EPS15L1: variants seen among roughly 807,000 people sequenced by gnomAD.
EPS15L1 encodes the protein epidermal growth factor receptor substrate 15-like 1.
Under a neutral mutation model 117.1 loss-of-function variants are expected in EPS15L1, and 43 were observed. The observed-to-expected ratio is 0.37, with a 90% CI of 0.29 to 0.47. The LOEUF is 0.47. EPS15L1 is among the 20% of genes least tolerant of loss of function. The probability of loss-of-function intolerance (pLI) is 0.99; values close to 1 mark genes in which losing one functional copy is unlikely to be tolerated. For synonymous variants in EPS15L1, 459 were observed against 470.5 expected (o/e 0.98, Z 0.32); for missense variants, 981 against 1,164.0 (o/e 0.84, Z 2.29).
At position 16,421,554 on chromosome 19, in the gene EPS15L1, G is replaced by A. The variant is rs556901484; in HGVS notation, c.793-78C>T. The stretch of plus-strand genomic sequence containing the variant: ...GACACATGCTTTTTGATGATGGGGC[G>A]ATTAAAGCACTTCCATGCACATTTG... On this transcript the variant is annotated intron_variant, in intron 9 of 23. Coordinates refer to ENST00000455140, the MANE Select transcript of EPS15L1 (RefSeq NM_001258374.3). The A allele has an allele frequency of 1.4e-3, 2,059 of 1,435,852 alleles. 2 individuals carry two copies. The highest frequency in any genetic ancestry group is 1.7e-3 in the Non-Finnish European group (1,725 of 1,037,508). 88.9% of individuals were successfully genotyped at this position (1,435,852 alleles called of 1,614,324 possible). A position where few individuals can be genotyped will look rare whatever the true frequency, so the allele number is the denominator to read the frequency against.
At chr19:16,374,788 G>A (rs922307907) in intron 22 of EPS15L1, among the ~76,000 whole-genome samples, 1 of 152,228 alleles carries the variant, frequency 6.6e-6, no homozygotes, top group Admixed American at 6.5e-5. Context: ...ATGAGAATAC[G>A]TGCACATGTG....
At chr19:16,452,741 G>A (rs911598436) in intron 1 of EPS15L1, among the ~76,000 whole-genome samples, 1 of 151,898 alleles carries the variant, frequency 6.6e-6, no homozygotes, top group Non-Finnish European at 1.5e-5. Context: ...TTGTAAATGG[G>A]CAGTGGGTAC....
chr19:16,364,360 C>T (rs2092103342), intron 22 of EPS15L1, among the ~76,000 whole-genome samples: 2 of 152,210 alleles, frequency 1.3e-5, no homozygotes. Flanking sequence ...CTCCTTCCGA[C>T]AGCGCCTGCC....
chr19:16,379,681 G>C (rs2092338479), intron 21 of EPS15L1, among the ~76,000 whole-genome samples: 1 of 151,986 alleles, frequency 6.6e-6, no homozygotes, highest in African/African-American at 2.4e-5. Context: ...GCCATCTAAG[G>C]CTCCAGCGTT....
Position 16,425,277 on chromosome 19 carries a change from C to T in EPS15L1, c.598G>A (p.Val200Met), listed in dbSNP as rs750262553. The change falls in exon 9 of 24, where the codon GTG becomes ATG. Residue 200 changes from valine (V) to methionine (M), a missense_variant. Val to Met is a conservative substitution (Grantham distance 21). Around this residue, in one of 5 missense-constraint regions of EPS15L1, gnomAD observed 819 missense variants for 949.0 expected, o/e 0.86. Coordinates refer to ENST00000455140, the MANE Select transcript of EPS15L1 (RefSeq NM_001258374.3). ...LVYRALEKEP[V>M]PSALPPSLIP... ...AGGGACGGGGGCAGGGCGGAGGGCA[C>T]GGGCTCCTTCTCCAGGGCTCGGTAC... is the stretch of plus-strand genomic sequence containing the variant. 4 of 1,606,906 alleles carry T rather than the reference C, an allele frequency of 2.5e-6. No individual in the cohort carries two copies. Among genetic ancestry groups the T allele is most frequent in the Non-Finnish European group, 3.4e-6 (4 of 1,176,246 alleles).
chr19:16,396,743 C>G (rs535688785), intron 16 of EPS15L1, among the ~76,000 whole-genome samples: 1 of 152,188 alleles, frequency 6.6e-6, no homozygotes, highest in African/African-American at 2.4e-5. Flanking sequence ...AAAATTGTAA[C>G]GAGCCACACA....
At chr19:16,373,426 GTTTGT>G (rs930797403) in intron 22 of EPS15L1, among the ~76,000 whole-genome samples, 10 of 149,714 alleles carry the variant, frequency 6.7e-5, no homozygotes, top group African/African-American at 2.5e-4. Context: ...TGGTTTGTTT[GTTTGT>G]TTTAAGAAAA....
intron 1 of EPS15L1, among the ~76,000 whole-genome samples, chr19:16,463,648 A>T (rs1336916965): frequency 6.6e-6 from 1 of 152,198 alleles, no homozygotes; most frequent in Admixed American, 6.5e-5. Context: ...GCAAACAAGG[A>T]TGAATAAAAC....
intron 7 of EPS15L1, among the ~76,000 whole-genome samples, chr19:16,432,591 T>C (rs957770752): frequency 2.2e-5 from 2 of 91,710 alleles, no homozygotes; most frequent in South Asian, 3.3e-4. Context: ...AATAAATAAA[T>C]ACAAATACAA....
Position 16,386,178 on chromosome 19 carries a change from T to C in EPS15L1, c.2157A>G (p.Lys719=), listed in dbSNP as rs1237038450. The part of the protein sequence containing the change: ...DPFSSSSVSS[K]GSDPFGTLDP... ...ATAAGTCATGGGTCTCACCTGATCC[T>C]TTTGAGGAGACACTGGAGGATGAAA... Residue 719 remains lysine (K), a synonymous_variant, in exon 20 of 24, where the codon AAA becomes AAG. Coordinates refer to ENST00000455140, the MANE Select transcript of EPS15L1 (RefSeq NM_001258374.3). The C allele has an allele frequency of 6.2e-7, 1 of 1,611,076 alleles. No individual in the cohort carries two copies. Among genetic ancestry groups the C allele is most frequent in the Admixed American group, 1.7e-5 (1 of 60,008 alleles).
At chr19:16,367,497 TAAAAAAAAAAAAAAAAAA>T (rs71178691) in intron 22 of EPS15L1, among the ~76,000 whole-genome samples, 1 of 65,304 alleles carries the variant, frequency 1.5e-5, no homozygotes, top group Non-Finnish European at 2.7e-5. Flanking sequence ...TATGTGCTGT[TAAAAAAAAAAAAAAAAAA>T]AAAAAAAAAA....
chr19:16,448,299 G>A (rs1166255267), intron 1 of EPS15L1, among the ~76,000 whole-genome samples: 3 of 152,046 alleles, frequency 2.0e-5, no homozygotes, highest in African/African-American at 7.2e-5. Context: ...GGGAGGCCGA[G>A]GCAGGAGGAT....
chr19:16,411,937 G>A (rs1324661825), intron 13 of EPS15L1, among the ~76,000 whole-genome samples: 2 of 152,176 alleles, frequency 1.3e-5, no homozygotes, highest in African/African-American at 2.4e-5. Context: ...GGGCTCAAGC[G>A]ATCCTCCGGC....
At chr19:16,409,880 G>A (rs971197780) in intron 13 of EPS15L1, among the ~76,000 whole-genome samples, 15 of 143,526 alleles carry the variant, frequency 1.0e-4, no homozygotes, top group African/African-American at 3.7e-4. Flanking sequence ...GGAGGTTGCA[G>A]TGAGCTGAGA....
Position 16,419,456 on chromosome 19 carries a change from C to CA in EPS15L1, c.951-1353dup, listed in dbSNP as rs796242279. ...CCTGGGCAACAGTGAGTCTCTGTCT[C>CA]AAAAAAAAAAAATAAAAAAATGAGG... On this transcript the variant is annotated intron_variant, in intron 10 of 23. Transcript: ENST00000455140. Among the ~76,000 whole-genome samples the CA allele has an allele frequency of 3.5e-3, 484 of 138,640 alleles. 4 individuals are homozygous for CA. The highest frequency in any genetic ancestry group is 5.8e-3 in the South Asian group (25 of 4,318). 91.0% of individuals were successfully genotyped at this position (138,640 alleles called of 152,430 possible).
intron 13 of EPS15L1, among the ~76,000 whole-genome samples, chr19:16,412,049 A>T (rs1190882809): frequency 6.6e-6 from 1 of 152,186 alleles, no homozygotes; most frequent in Non-Finnish European, 1.5e-5. Context: ...AATATAATGT[A>T]AATGCTATGT....
At chr19:16,441,760 G>A (rs1425946186) in intron 3 of EPS15L1, 132 bp downstream of exon 3, 5 of 646,488 alleles carry the variant, frequency 7.7e-6, no homozygotes, top group Non-Finnish European at 1.4e-5. Context: ...CAGCCTGAGA[G>A]GTCTGCAGCG....
At position 16,377,112 on chromosome 19, in the gene EPS15L1, G is replaced by C; in HGVS notation, c.2380+10C>G. 6.3e-7 allele frequency: 1 copy of C among 1,588,572 alleles called. No individual in the cohort carries two copies. Among genetic ancestry groups the C allele is most frequent in the South Asian group, 1.1e-5 (1 of 87,748 alleles). ...TAGGCGGTGGCTGCGAGAGAAGAAA[G>C]CTTACTGACCGCTGGGCGGTTTAGG... On this transcript the variant is annotated intron_variant, in intron 22 of 23. Transcript: ENST00000455140.
chr19:16,466,940 G>A (rs973891791), intron 1 of EPS15L1, among the ~76,000 whole-genome samples: 1 of 151,528 alleles, frequency 6.6e-6, no homozygotes, highest in African/African-American at 2.4e-5. Flanking sequence ...GAGAGCACAT[G>A]CGTCACACGG....
Sources: allele counts gnomAD v4.1 joint callset (sites outside exome capture counted in the v4.1 genomes callset), GRCh38; gene constraint gnomAD v4.1.1; regional missense constraint gnomAD v4.1.1; transcripts MANE v1.5; gene names NCBI Gene and HGNC (gene_info 2026-07-23, HGNC 2026-07-21).